The following SAMD4A variants were observed in gnomAD, a reference collection of about 807,000 sequenced individuals.
SAMD4A encodes sterile alpha motif domain containing 4A, also known as protein Smaug homolog 1.
A neutral mutation model predicts 81.3 loss-of-function variants in SAMD4A; 33 were observed. The ratio of observed to expected loss-of-function variants is 0.41; its 90% CI spans 0.31 to 0.54. The LOEUF (loss-of-function observed/expected upper bound fraction) is 0.54, where lower values mean the gene tolerates loss of function less well. Ranked by LOEUF, SAMD4A falls within the 20% of genes least tolerant of loss-of-function variation. The pLI is 0.37. For synonymous variants in SAMD4A, 389 were observed against 382.1 expected (o/e 1.02, Z -0.21); for missense variants, 854 against 951.1 (o/e 0.90, Z 1.34).
At position 54,759,928 on chromosome 14, in the gene SAMD4A, A is replaced by AT. The variant is rs1434112542; in HGVS notation, c.1177-229dup. 5.3e-5 allele frequency among the ~76,000 whole-genome samples: 8 copies of AT among 152,180 alleles called. No homozygotes were observed. In the East Asian group the frequency reaches 1.5e-3, roughly 29 times the overall value. The stretch of plus-strand genomic sequence containing the variant: ...TTCGTGGTCATCTCTAGATAGTGGG[A>AT]TTTTCCGGTGGTGTGTATTTTCCTC... On this transcript the variant is annotated intron_variant, in intron 6 of 12. Transcript: ENST00000554335.
chr14:54,573,815 G>A lies in SAMD4A; in HGVS notation c.196+5703G>A, dbSNP rs573291452. ...TTTAGAACAGGGGCCTAGAGTCGAG[G>A]CTTGGGCCTTGCTCTGCTGCCTACA... On this transcript the variant is annotated intron_variant, in intron 2 of 12. Transcript: ENST00000554335. Among the ~76,000 whole-genome samples, 6 of 152,322 alleles carry A rather than the reference G, an allele frequency of 3.9e-5. No homozygotes were observed. The East Asian group carries it at 7.7e-4, about 20-fold the overall frequency.
intron 2 of SAMD4A, among the ~76,000 whole-genome samples, chr14:54,581,824 C>T (rs763265526): frequency 2.0e-5 from 3 of 152,194 alleles, no homozygotes; most frequent in Non-Finnish European, 4.4e-5. Context: ...CCATTCAGTG[C>T]AAAACCTTTG....
intron 3 of SAMD4A, among the ~76,000 whole-genome samples, chr14:54,704,820 G>T (rs1022282504): frequency 6.6e-6 from 1 of 152,176 alleles, no homozygotes; most frequent in African/African-American, 2.4e-5. Context: ...AAGAAAATGC[G>T]AATGTCATTG....
intron 2 of SAMD4A, among the ~76,000 whole-genome samples, chr14:54,624,782 T>G (rs899647586): frequency 5.4e-5 from 8 of 148,678 alleles, no homozygotes; most frequent in East Asian, 3.9e-4. Context: ...AGAGATTTTT[T>G]TTTTTGTTGT....
chr14:54,670,966 C>T (rs935017312), intron 2 of SAMD4A, among the ~76,000 whole-genome samples: 6 of 152,068 alleles, frequency 3.9e-5, no homozygotes, highest in African/African-American at 7.2e-5. Flanking sequence ...ATTCTTTTTC[C>T]CCTCCTTCCA....
intron 2 of SAMD4A, among the ~76,000 whole-genome samples, chr14:54,599,443 C>T (rs189446286): frequency 3.3e-5 from 5 of 152,276 alleles, no homozygotes; most frequent in Admixed American, 6.5e-5. Context: ...CCGAGGTCCA[C>T]AAATTTTTCA....
chr14:54,682,115 A>G (rs1333600608), intron 2 of SAMD4A: 3 of 952,502 alleles, frequency 3.1e-6, no homozygotes, highest in South Asian at 9.7e-5. Flanking sequence ...CTTATCCCAC[A>G]ATGTTTGGGG....
rs139748992 is a variant in SAMD4A, at chr14:54,649,158, A to G, written c.197-52904A>G. ...TGGACATAAGCTAGACATGCCCGTT[A>G]GATGTCCTAGTGAGGCTGTCGAGTA... On this transcript the variant is annotated intron_variant, in intron 2 of 12. Coordinates refer to ENST00000554335, the MANE Select transcript of SAMD4A (RefSeq NM_015589.6). 5.2e-4 allele frequency among the ~76,000 whole-genome samples: 79 copies of G among 152,352 alleles called. 2 individuals are homozygous for G. The East Asian group carries it at 0.013, about 26-fold the overall frequency.
At chr14:54,614,764 G>T (rs545592763) in intron 2 of SAMD4A, among the ~76,000 whole-genome samples, 1 of 152,046 alleles carries the variant, frequency 6.6e-6, no homozygotes, top group Non-Finnish European at 1.5e-5. Context: ...TAAAATAAAG[G>T]CCAAAGTACC....
Position 54,604,155 on chromosome 14 carries a change from C to A in SAMD4A, c.196+36043C>A, listed in dbSNP as rs1018548371. Among the ~76,000 whole-genome samples the A allele has an allele frequency of 3.3e-5, 5 of 152,286 alleles. 1 individual carries two copies. Among genetic ancestry groups the A allele is most frequent in the Admixed American group, 3.3e-4 (5 of 15,292 alleles). On this transcript the variant is annotated intron_variant, in intron 2 of 12. Transcript: ENST00000554335. ...TTTATTGTATCCTTAATTCCCTTAG[C>A]TCACCCTTGCTGAGCATAGTTGTCT...
chr14:54,764,602 G>A, intron 8 of SAMD4A, 62 bp downstream of exon 8: 1 of 1,109,384 alleles, frequency 9.0e-7, no homozygotes. Flanking sequence ...GGTTCTCAGA[G>A]TTTCTGTGAT....
At chr14:54,771,679 C>G (rs2038710079) in intron 9 of SAMD4A, among the ~76,000 whole-genome samples, 1 of 152,200 alleles carries the variant, frequency 6.6e-6, no homozygotes. Context: ...CTGAGAGCAG[C>G]AATACTTTTC....
intron 9 of SAMD4A, among the ~76,000 whole-genome samples, chr14:54,772,758 C>A (rs1454777706): frequency 6.6e-6 from 1 of 152,074 alleles, no homozygotes; most frequent in East Asian, 1.9e-4. Context: ...ACTGAATCAT[C>A]TACCAGGTGG....
At chr14:54,615,243 C>A (rs1405680912) in intron 2 of SAMD4A, among the ~76,000 whole-genome samples, 1 of 152,206 alleles carries the variant, frequency 6.6e-6, no homozygotes, top group East Asian at 1.9e-4. Context: ...TCTCACACAG[C>A]AAACCTCTTA....
At chr14:54,756,335 T>C (rs199561784) in intron 6 of SAMD4A, among the ~76,000 whole-genome samples, 1 of 152,164 alleles carries the variant, frequency 6.6e-6, no homozygotes, top group East Asian at 1.9e-4. Context: ...CAGCTTCATC[T>C]CTGGCCACCC....
At chr14:54,639,770 AT>A (rs879535905) in intron 2 of SAMD4A, among the ~76,000 whole-genome samples, 38,502 of 151,238 alleles carry the variant, frequency 0.25, 5,232 homozygotes, top group East Asian at 0.48. Flanking sequence ...CCTCGAGCAG[AT>A]GTTCTGAATG....
intron 3 of SAMD4A, among the ~76,000 whole-genome samples, chr14:54,734,635 G>A (rs918824317): frequency 1.3e-5 from 2 of 152,198 alleles, no homozygotes; most frequent in African/African-American, 4.8e-5. Flanking sequence ...TCAATAGCCA[G>A]TGAAGTCCTT....
chr14:54,597,584 CTTTTTTTTTT>C (rs71127662), intron 2 of SAMD4A, among the ~76,000 whole-genome samples: 1 of 90,860 alleles, frequency 1.1e-5, no homozygotes, highest in Non-Finnish European at 2.2e-5. Flanking sequence ...TTCCTTCTAT[CTTTTTTTTTT>C]TTTTTTTTTT....
At chr14:54,652,227 A>G (rs1299881556) in intron 2 of SAMD4A, among the ~76,000 whole-genome samples, 2 of 152,254 alleles carry the variant, frequency 1.3e-5, no homozygotes, top group Non-Finnish European at 2.9e-5. Context: ...TCCTGGCCAT[A>G]TAGTAAAAAT....
Sources: allele counts gnomAD v4.1 joint callset (sites outside exome capture counted in the v4.1 genomes callset), GRCh38; gene constraint gnomAD v4.1.1; transcripts MANE v1.5; gene names NCBI Gene and HGNC (gene_info 2026-07-23, HGNC 2026-07-21).